The following SUN1 variants were observed in gnomAD, a reference collection of about 807,000 sequenced individuals.
The protein encoded by SUN1 is SUN domain-containing protein 1.
SUN1 carries 61 observed loss-of-function variants against 103.2 expected under a neutral mutation model. The ratio of observed to expected loss-of-function variants is 0.59; its 90% CI spans 0.48 to 0.73. The LOEUF (loss-of-function observed/expected upper bound fraction) is 0.73, where lower values mean the gene tolerates loss of function less well. SUN1 is among the 30% of genes least tolerant of loss of function. The pLI is 0.00. For synonymous variants in SUN1, 490 were observed against 425.7 expected, an observed-to-expected ratio of 1.15 and a Z score of -1.86; for missense variants, 1,052 against 1,034.6, an observed-to-expected ratio of 1.02 and a Z score of -0.23.
At chr7:854,070 G>T (rs1252136002) in intron 10 of SUN1, among the ~76,000 whole-genome samples, 7 of 152,220 alleles carry the variant, frequency 4.6e-5, no homozygotes, top group Non-Finnish European at 8.8e-5. Flanking sequence ...TCGCGTGGGG[G>T]GACCCAGGAA....
At position 852,809 on chromosome 7, in the gene SUN1, G is replaced by T; in HGVS notation, c.911-1G>T. 6.2e-7 allele frequency: 1 copy of T among 1,611,538 alleles called. No homozygotes were observed. The highest frequency in any genetic ancestry group is 8.5e-7 in the Non-Finnish European group (1 of 1,178,326). ...TGTGTGTGGTGGCTCTTCTCTTTTAGCAGGTCTCTCCTTACGGGGCCAGGG... is the reference window on the plus strand; with the variant it reads ...TGTGTGTGGTGGCTCTTCTCTTTTATCAGGTCTCTCCTTACGGGGCCAGGG... On this transcript the variant is annotated splice_acceptor_variant, in intron 8 of 18. Coordinates refer to ENST00000401592, the MANE Select transcript of SUN1 (RefSeq NM_001130965.3). LOFTEE classifies it high-confidence loss of function.
chr7:869,435 C>T lies in SUN1; in HGVS notation c.2067C>T (p.Ala689=), dbSNP rs143436648. Residue 689 remains alanine (A), a synonymous_variant, in exon 17 of 19, where the codon GCC becomes GCT. Coordinates refer to ENST00000401592, the MANE Select transcript of SUN1 (RefSeq NM_001130965.3). ...VVRLSMMIHP[A]AFTLEHIPKT... ...GGCTCTCCATGATGATCCACCCAGC[C>T]GCCTTCACTCTGGAGCACATCCCTA... 500 of 1,613,888 alleles carry T rather than the reference C, an allele frequency of 3.1e-4. 1 individual carries two copies. In the African/African-American group the frequency reaches 5.8e-3, roughly 19 times the overall value.
chr7:840,976 C>T (rs1232973260), intron 2 of SUN1, among the ~76,000 whole-genome samples: 1 of 151,836 alleles, frequency 6.6e-6, no homozygotes, highest in Non-Finnish European at 1.5e-5. Flanking sequence ...TTTTGTTGCC[C>T]AGGCTGGAGT....
In SUN1 at chr7:873,462, C is replaced by T. The variant is rs567434971; in HGVS notation, c.*131C>T. On this transcript the variant is annotated 3_prime_UTR_variant, in exon 19 of 19. Transcript: ENST00000401592. Reference sequence around the variant, plus strand: ...CTCCTTCAATAAACGTGGCTGCTGGCCAGAGGACGTGAGCGTGTGACGGGC... The same window carrying T: ...CTCCTTCAATAAACGTGGCTGCTGGTCAGAGGACGTGAGCGTGTGACGGGC... 4.0e-5 allele frequency: 37 copies of T among 934,124 alleles called. No homozygotes were observed. Among genetic ancestry groups the T allele is most frequent in the Non-Finnish European group, 5.4e-5 (33 of 614,816 alleles). 57.9% of individuals were successfully genotyped at this position (934,124 alleles called of 1,614,324 possible).
At chr7:822,604 A>G (rs1486671914) in intron 1 of SUN1, among the ~76,000 whole-genome samples, 2 of 123,662 alleles carry the variant, frequency 1.6e-5, no homozygotes, top group African/African-American at 3.3e-5. Flanking sequence ...GCAGTATGAA[A>G]AACAGATGAT....
intron 5 of SUN1, among the ~76,000 whole-genome samples, chr7:845,765 A>G (rs111731469): frequency 0.027 from 4,052 of 152,204 alleles, 203 homozygotes; most frequent in East Asian, 0.19. Context: ...CCCCCACCCA[A>G]TCCATCTCCT....
At chr7:841,315 A>G (rs1809644558) in intron 2 of SUN1, among the ~76,000 whole-genome samples, 1 of 138,376 alleles carries the variant, frequency 7.2e-6, no homozygotes. Context: ...GTGATCTCAG[A>G]TCACTGCAAC....
At chr7:860,855 G>A (rs553641638) in intron 14 of SUN1, among the ~76,000 whole-genome samples, 68 of 152,304 alleles carry the variant, frequency 4.5e-4, no homozygotes, top group African/African-American at 1.6e-3. Flanking sequence ...GAGTGTATGC[G>A]AGGGAACTCC....
At chr7:827,568 C>G (rs938841785), upstream of SUN1, among the ~76,000 whole-genome samples, 1 of 149,344 alleles carries the variant, frequency 6.7e-6, no homozygotes, top group African/African-American at 2.5e-5. Context: ...CTCCCGGGTT[C>G]ACGCCATTCT....
intron 1 of SUN1, among the ~76,000 whole-genome samples, chr7:826,019 G>A (rs1002618321): frequency 8.5e-5 from 13 of 152,072 alleles, no homozygotes; most frequent in African/African-American, 2.7e-4. Flanking sequence ...GAGGAAAATC[G>A]CTTGAGGCCA....
intron 1 of SUN1, among the ~76,000 whole-genome samples, chr7:817,942 T>C (rs2128113890): frequency 6.6e-6 from 1 of 152,300 alleles, no homozygotes; most frequent in African/African-American, 2.4e-5. Flanking sequence ...TTTCCTCTTT[T>C]TCTTCCAGTA....
chr7:864,013 G>A (rs1834285682), intron 15 of SUN1, among the ~76,000 whole-genome samples: 2 of 152,078 alleles, frequency 1.3e-5, no homozygotes, highest in South Asian at 2.1e-4. Flanking sequence ...TTTTTTATCC[G>A]AAAATTTTAT....
At chr7:852,088 A>G in intron 7 of SUN1, 45 bp downstream of exon 7, 3 of 1,543,114 alleles carry the variant, frequency 1.9e-6, no homozygotes, top group East Asian at 2.2e-5. Context: ...TAAGGAACCA[A>G]TTTTGTGCCA....
At chr7:869,593 G>A (rs554948107) in intron 17 of SUN1, 77 bp downstream of exon 17, 94 of 1,540,294 alleles carry the variant, frequency 6.1e-5, no homozygotes, top group African/African-American at 4.2e-4. Context: ...TGACGTGAGC[G>A]CACTGGGGAC....
upstream of SUN1, chr7:816,103 A>G: frequency 4.8e-6 from 1 of 208,900 alleles, no homozygotes; most frequent in South Asian, 3.9e-5. Flanking sequence ...CACCTTTCCG[A>G]AGATGCAGAC....
chr7:841,583 T>C (rs1455129989), intron 2 of SUN1, among the ~76,000 whole-genome samples: 1 of 152,204 alleles, frequency 6.6e-6, no homozygotes, highest in Non-Finnish European at 1.5e-5. Flanking sequence ...ATTCCATCTT[T>C]ACCAGCAACT....
Position 842,094 on chromosome 7 carries a change from T to C in SUN1, c.415T>C (p.Trp139Arg). 6.2e-7 allele frequency: 1 copy of C among 1,614,224 alleles called. No homozygotes were observed. The highest frequency in any genetic ancestry group is 1.3e-5 in the African/African-American group (1 of 75,048). Residue 139 changes from tryptophan (W) to arginine (R), a missense_variant, in exon 3 of 19, where the codon TGG becomes CGG. By Grantham distance (101) the Trp-to-Arg change is moderately radical. Coordinates refer to ENST00000401592, the MANE Select transcript of SUN1 (RefSeq NM_001130965.3). ...TRRPPVLDESWIREQTTVDHF... is the reference protein window; with the variant it reads ...TRRPPVLDESRIREQTTVDHF... Reference sequence around the variant, plus strand: ...ACGGCCTCCTGTATTGGACGAGTCTTGGATTCGTGAACAGACCACAGTGGA... The same window carrying C: ...ACGGCCTCCTGTATTGGACGAGTCTCGGATTCGTGAACAGACCACAGTGGA...
intron 16 of SUN1, among the ~76,000 whole-genome samples, chr7:868,271 T>C (rs1448242918): frequency 1.3e-5 from 2 of 152,220 alleles, no homozygotes; most frequent in Non-Finnish European, 2.9e-5. Flanking sequence ...AGTCAGTCCC[T>C]GTGTGTGCCT....
chr7:831,077 C>T (rs552140826), upstream of SUN1: 1,692 of 909,280 alleles, frequency 1.9e-3, 3 homozygotes, highest in Non-Finnish European at 2.1e-3. Flanking sequence ...AGTAGGTAGA[C>T]AGGTGGGAGA....
Sources: gnomAD v4.1 joint callset for allele counts (sites outside exome capture counted in the v4.1 genomes callset) on GRCh38, gnomAD v4.1.1 for gene constraint, MANE v1.5 for transcripts, NCBI Gene and HGNC (gene_info 2026-07-23, HGNC 2026-07-21) for gene names.